The following RALYL variants were observed in gnomAD, a reference collection of about 807,000 sequenced individuals.
The protein encoded by RALYL is RALY RNA binding protein like.
RALYL carries 29 observed loss-of-function variants against 35.1 expected under a neutral mutation model. The observed-to-expected ratio is 0.83, with a 90% CI of 0.61 to 1.13. RALYL has a LOEUF of 1.13. Ranked by LOEUF, RALYL falls within the 50% of genes most tolerant of loss-of-function variation. The pLI is 0.00. For synonymous variants in RALYL, 120 were observed against 127.6 expected, an observed-to-expected ratio of 0.94 and a Z score of 0.40; for missense variants, 359 against 360.4, an observed-to-expected ratio of 1.00 and a Z score of 0.03.
intron 2 of RALYL, among the ~76,000 whole-genome samples, chr8:84,696,474 G>T (rs888273035): frequency 2.0e-4 from 31 of 151,924 alleles, no homozygotes; most frequent in African/African-American, 7.2e-4. Context: ...GGAGCCAAAG[G>T]TTTTTAAAAT....
intron 2 of RALYL, among the ~76,000 whole-genome samples, chr8:84,724,023 A>G (rs1205046455): frequency 6.6e-6 from 1 of 151,856 alleles, no homozygotes; most frequent in Non-Finnish European, 1.5e-5. Flanking sequence ...TGAGTATTTG[A>G]TGAACAAATA....
intron 1 of RALYL, among the ~76,000 whole-genome samples, chr8:84,478,803 C>A (rs2053698131): frequency 6.6e-6 from 1 of 151,594 alleles, no homozygotes; most frequent in Non-Finnish European, 1.5e-5. Context: ...AATCAATACA[C>A]AGGCTGGGCG....
At chr8:84,229,508 T>C (rs1003013284) in intron 1 of RALYL, among the ~76,000 whole-genome samples, 2 of 152,216 alleles carry the variant, frequency 1.3e-5, no homozygotes, top group African/African-American at 4.8e-5. Flanking sequence ...ATCCCAAATA[T>C]TAATTTCCAG....
intron 2 of RALYL, among the ~76,000 whole-genome samples, chr8:84,618,543 A>T (rs1820433355): frequency 7.6e-6 from 1 of 132,266 alleles, no homozygotes; most frequent in African/African-American, 3.0e-5. Flanking sequence ...TCAAAAAACC[A>T]GCTCCTGGAT....
chr8:84,789,350 A>C (rs896556591), intron 3 of RALYL, among the ~76,000 whole-genome samples: 1 of 152,248 alleles, frequency 6.6e-6, no homozygotes, highest in African/African-American at 2.4e-5. Context: ...AAGGTAGTTT[A>C]AATGCTATCT....
At chr8:84,495,605 T>C (rs1014439736) in intron 1 of RALYL, among the ~76,000 whole-genome samples, 2 of 152,118 alleles carry the variant, frequency 1.3e-5, no homozygotes, top group Non-Finnish European at 2.9e-5. Flanking sequence ...AACTAATTCA[T>C]TCATACAAGG....
chr8:84,676,879 T>C (rs1834308109), intron 2 of RALYL, among the ~76,000 whole-genome samples: 1 of 152,210 alleles, frequency 6.6e-6, no homozygotes, highest in South Asian at 2.1e-4. Flanking sequence ...CTCAGCTCAC[T>C]GCAACCTCTG....
chr8:84,271,542 G>C (rs1218125332), intron 1 of RALYL, among the ~76,000 whole-genome samples: 1 of 150,950 alleles, frequency 6.6e-6, no homozygotes, highest in East Asian at 1.9e-4. Context: ...TAAGATAAAT[G>C]AAAACACATG....
chr8:84,769,721 A>G (rs909071746), intron 2 of RALYL, among the ~76,000 whole-genome samples: 1 of 152,164 alleles, frequency 6.6e-6, no homozygotes, highest in Non-Finnish European at 1.5e-5. Flanking sequence ...TGGGCGACAG[A>G]GTGAGACTCT....
intron 1 of RALYL, among the ~76,000 whole-genome samples, chr8:84,278,601 A>T (rs1585878023): frequency 6.6e-6 from 1 of 152,194 alleles, no homozygotes; most frequent in African/African-American, 2.4e-5. Context: ...TGCCATGTAG[A>T]AATTTCTTCT....
intron 1 of RALYL, among the ~76,000 whole-genome samples, chr8:84,234,610 A>G (rs1392087610): frequency 6.6e-6 from 1 of 152,098 alleles, no homozygotes; most frequent in African/African-American, 2.4e-5. Context: ...AAGTGCAACC[A>G]TTTTTGAGCT....
chr8:84,463,376 A>C (rs1213083768), intron 1 of RALYL, among the ~76,000 whole-genome samples: 2 of 152,110 alleles, frequency 1.3e-5, no homozygotes, highest in African/African-American at 4.8e-5. Context: ...TATTAAATTC[A>C]TTATAAAATT....
At chr8:84,418,050 G>T (rs2044939816) in intron 1 of RALYL, among the ~76,000 whole-genome samples, 1 of 152,098 alleles carries the variant, frequency 6.6e-6, no homozygotes, top group African/African-American at 2.4e-5. Context: ...AATCTGTAAT[G>T]CATCACCTGG....
intron 1 of RALYL, among the ~76,000 whole-genome samples, chr8:84,293,424 G>A (rs1202132400): frequency 6.6e-6 from 1 of 152,002 alleles, no homozygotes; most frequent in Non-Finnish European, 1.5e-5. Context: ...TTATAGAAAA[G>A]CCAGCATTTC....
chr8:84,742,820 C>T (rs775552714), intron 2 of RALYL, among the ~76,000 whole-genome samples: 1 of 151,968 alleles, frequency 6.6e-6, no homozygotes, highest in Non-Finnish European at 1.5e-5. Context: ...TTATGTTACC[C>T]ATCAGGCTGA....
chr8:84,444,173 A>C (rs961286003), intron 1 of RALYL, among the ~76,000 whole-genome samples: 2 of 152,148 alleles, frequency 1.3e-5, no homozygotes, highest in East Asian at 3.9e-4. Context: ...TACAAAATAT[A>C]AAAATGTTAG....
chr8:84,346,368 A>T (rs1029494567), intron 1 of RALYL, among the ~76,000 whole-genome samples: 3 of 152,118 alleles, frequency 2.0e-5, no homozygotes, highest in Non-Finnish European at 4.4e-5. Flanking sequence ...ACTGTTTGTC[A>T]TTGGAGTATG....
chr8:84,837,423 A>G (rs1235899183), intron 4 of RALYL, among the ~76,000 whole-genome samples: 2 of 152,230 alleles, frequency 1.3e-5, no homozygotes, highest in African/African-American at 4.8e-5. Context: ...TACTTGTGCT[A>G]GGAAATTTAT....
At chr8:84,532,431 G>T (rs547335374) in intron 2 of RALYL, among the ~76,000 whole-genome samples, 1 of 152,070 alleles carries the variant, frequency 6.6e-6, no homozygotes, top group Middle Eastern at 3.4e-3. Flanking sequence ...TTAATCACTT[G>T]CTTCTTGAGT....
Sources: gnomAD v4.1 joint callset for allele counts (sites outside exome capture counted in the v4.1 genomes callset) on GRCh38, gnomAD v4.1.1 for gene constraint, MANE v1.5 for transcripts, NCBI Gene and HGNC (gene_info 2026-07-23, HGNC 2026-07-21) for gene names.